Variants in TMEM132D observed in about 807,000 individuals in gnomAD.
TMEM132D encodes transmembrane protein 132D, also known as mature OL transmembrane protein.
Under a neutral mutation model 62.3 loss-of-function variants are expected in TMEM132D, and 21 were observed. That is an observed-to-expected ratio of 0.34 (90% CI 0.24 to 0.49). TMEM132D has a LOEUF of 0.49. Ranked by LOEUF, TMEM132D falls within the 20% of genes least tolerant of loss-of-function variation. The probability of loss-of-function intolerance (pLI) is 0.99; values close to 1 mark genes in which losing one functional copy is unlikely to be tolerated. For synonymous variants in TMEM132D, 621 were observed against 575.6 expected, an observed-to-expected ratio of 1.08 and a Z score of -1.13; for missense variants, 1,346 against 1,402.8, an observed-to-expected ratio of 0.96 and a Z score of 0.65.
rs144820911 is a variant in TMEM132D at position 129,213,501 on chromosome 12, CAAACA to C, written c.1300-3843_1300-3839del. Among the ~76,000 whole-genome samples, 61 of 150,568 alleles carry C rather than the reference CAAACA, an allele frequency of 4.1e-4. 2 individuals are homozygous for C. The highest frequency in any genetic ancestry group is 1.2e-3 in the African/African-American group (48 of 40,988). On this transcript the variant is annotated intron_variant, in intron 4 of 8. Coordinates refer to ENST00000422113, the MANE Select transcript of TMEM132D (RefSeq NM_133448.3). ...AACAGAGCGAGGCCTTCTCTCAAAACAAACAAAACAAAACAAAACAAAACAAAAAA... is the reference window on the plus strand; with the variant it reads ...AACAGAGCGAGGCCTTCTCTCAAAACAAACAAAACAAAACAAAACAAAAAA...
intron 4 of TMEM132D, among the ~76,000 whole-genome samples, chr12:129,289,783 G>T (rs928745651): frequency 4.4e-4 from 67 of 152,064 alleles, no homozygotes; most frequent in African/African-American, 1.5e-3. Flanking sequence ...AGATTAAGGA[G>T]GGAGGATGAC....
At chr12:129,777,525 A>G (rs980900106) in intron 1 of TMEM132D, among the ~76,000 whole-genome samples, 2 of 152,174 alleles carry the variant, frequency 1.3e-5, no homozygotes, top group African/African-American at 4.8e-5. Context: ...CCAAGCAGCA[A>G]CTTCAGCAAG....
intron 1 of TMEM132D, among the ~76,000 whole-genome samples, chr12:129,822,114 C>T (rs936394401): frequency 1.3e-5 from 2 of 152,056 alleles, no homozygotes; most frequent in African/African-American, 4.8e-5. Context: ...AAGACAAAAA[C>T]AAAACCAAGA....
intron 2 of TMEM132D, among the ~76,000 whole-genome samples, chr12:129,650,443 G>A (rs1322201943): frequency 6.6e-6 from 1 of 152,064 alleles, no homozygotes; most frequent in African/African-American, 2.4e-5. Flanking sequence ...TATTTTTTGT[G>A]AGCAAGAGTT....
chr12:129,695,102 TCA>T (rs1403605087), intron 2 of TMEM132D, among the ~76,000 whole-genome samples: 1 of 152,254 alleles, frequency 6.6e-6, no homozygotes, highest in East Asian at 1.9e-4. Flanking sequence ...GCTGCCTGAT[TCA>T]CAAATCATTC....
At chr12:129,126,470 G>A (rs1876218198) in intron 5 of TMEM132D, among the ~76,000 whole-genome samples, 1 of 151,520 alleles carries the variant, frequency 6.6e-6, no homozygotes, top group Admixed American at 6.6e-5. Flanking sequence ...TGTTACAGTG[G>A]GTGTCTTCTA....
At chr12:129,584,568 A>G (rs1877968068) in intron 2 of TMEM132D, among the ~76,000 whole-genome samples, 1 of 152,158 alleles carries the variant, frequency 6.6e-6, no homozygotes, top group South Asian at 2.1e-4. Context: ...CCACCCGGAG[A>G]CAGGCTGGGG....
intron 4 of TMEM132D, among the ~76,000 whole-genome samples, chr12:129,314,743 C>A (rs1312834652): frequency 6.6e-6 from 1 of 152,160 alleles, no homozygotes; most frequent in Non-Finnish European, 1.5e-5. Context: ...TGATTCTACA[C>A]ATCCATGAGC....
At position 129,794,724 on chromosome 12, in the gene TMEM132D, A is replaced by G. The variant is rs528450299; in HGVS notation, c.80-94026T>C. ...TTTGTGGATCATTTATATTTTTACT[A>G]TCTGTGAGTGCGATCTTTTTTCCAC... is the stretch of plus-strand genomic sequence containing the variant. On this transcript the variant is annotated intron_variant, in intron 1 of 8. Coordinates refer to ENST00000422113, the MANE Select transcript of TMEM132D (RefSeq NM_133448.3). Among the ~76,000 whole-genome samples, 1,107 of 152,204 alleles carry G rather than the reference A, an allele frequency of 7.3e-3. 5 individuals carry two copies. Among genetic ancestry groups the G allele is most frequent in the Non-Finnish European group, 0.012 (797 of 68,018 alleles).
At position 129,149,703 on chromosome 12, in the gene TMEM132D, C is replaced by T. The variant is rs1022642216; in HGVS notation, c.1443+59817G>A. ...GGCAATAACGGTAGGGCTCCAGCCC[C>T]GCTTTTCAATCCTGCCTCACTCACT... is the stretch of plus-strand genomic sequence containing the variant. On this transcript the variant is annotated intron_variant, in intron 5 of 8. Coordinates refer to ENST00000422113, the MANE Select transcript of TMEM132D (RefSeq NM_133448.3). Among the ~76,000 whole-genome samples the T allele has an allele frequency of 3.9e-5, 6 of 152,302 alleles. 1 individual carries two copies. Among genetic ancestry groups the T allele is most frequent in the African/African-American group, 1.4e-4 (6 of 41,580 alleles).
At chr12:129,200,821 G>A (rs2135561156) in intron 5 of TMEM132D, among the ~76,000 whole-genome samples, 1 of 152,320 alleles carries the variant, frequency 6.6e-6, no homozygotes, top group Non-Finnish European at 1.5e-5. Flanking sequence ...GAAAATAGCT[G>A]CAGAAGAGCT....
chr12:129,571,667 G>A (rs1593070254), intron 2 of TMEM132D, among the ~76,000 whole-genome samples: 2 of 152,074 alleles, frequency 1.3e-5, no homozygotes, highest in African/African-American at 2.4e-5. Context: ...CATGTGCACC[G>A]TGGGCTCATT....
chr12:129,591,025 A>G (rs79401336), intron 2 of TMEM132D, among the ~76,000 whole-genome samples: 198 of 152,368 alleles, frequency 1.3e-3, no homozygotes, highest in African/African-American at 4.6e-3. Flanking sequence ...GAAAAGAAAG[A>G]AAAAGAATAT....
intron 5 of TMEM132D, among the ~76,000 whole-genome samples, chr12:129,163,983 T>A (rs537664010): frequency 1.3e-5 from 2 of 152,256 alleles, no homozygotes; most frequent in African/African-American, 4.8e-5. Flanking sequence ...TTTGTTCAAG[T>A]GCGTGACACC....
intron 4 of TMEM132D, among the ~76,000 whole-genome samples, chr12:129,283,594 T>A (rs1881217960): frequency 6.6e-6 from 1 of 152,232 alleles, no homozygotes. Flanking sequence ...AAGTATTGAA[T>A]GATTTTCAAG....
intron 3 of TMEM132D, among the ~76,000 whole-genome samples, chr12:129,509,365 A>G (rs1875431852): frequency 6.6e-6 from 1 of 152,176 alleles, no homozygotes; most frequent in African/African-American, 2.4e-5. Flanking sequence ...CATACTAGGT[A>G]TATATGTTTA....
chr12:129,128,985 C>CT (rs1466150752), intron 5 of TMEM132D, among the ~76,000 whole-genome samples: 3 of 151,560 alleles, frequency 2.0e-5, no homozygotes, highest in East Asian at 3.9e-4. Flanking sequence ...ATTTTCTTTT[C>CT]TTTTTTCTAC....
intron 4 of TMEM132D, among the ~76,000 whole-genome samples, chr12:129,276,184 G>A (rs922718171): frequency 3.3e-5 from 5 of 152,080 alleles, no homozygotes; most frequent in African/African-American, 4.8e-5. Flanking sequence ...GCCCACTCGG[G>A]GAAAATGATA....
intron 2 of TMEM132D, chr12:129,682,831 C>A (rs1016215531): frequency 1.5e-5 from 2 of 137,086 alleles, no homozygotes; most frequent in Admixed American, 8.6e-5. Context: ...TGCACTCCAG[C>A]CTGGGCAACA....
Sources: allele counts gnomAD v4.1 joint callset (sites outside exome capture counted in the v4.1 genomes callset), GRCh38; gene constraint gnomAD v4.1.1; transcripts MANE v1.5; gene names NCBI Gene and HGNC (gene_info 2026-07-23, HGNC 2026-07-21).